Variants in DESI1 observed in about 807,000 individuals in gnomAD.
DESI1 encodes the protein desumoylating isopeptidase 1.
Under a neutral mutation model 22.4 loss-of-function variants are expected in DESI1, and 17 were observed. The ratio of observed to expected loss-of-function variants is 0.76; its 90% confidence interval spans 0.52 to 1.14. DESI1 has a LOEUF of 1.14. Among genes scored for constraint, DESI1 ranks in the 50% most tolerant of loss-of-function variants. The pLI is 0.00. For synonymous variants in DESI1, 92 were observed against 84.2 expected, an observed-to-expected ratio of 1.09 and a Z score of -0.51; for missense variants, 177 against 208.9, an observed-to-expected ratio of 0.85 and a Z score of 0.94.
intron 1 of DESI1, among the ~76,000 whole-genome samples, chr22:41,612,764 T>TG (rs1423470008): frequency 6.6e-6 from 1 of 151,172 alleles, no homozygotes; most frequent in African/African-American, 2.4e-5. Flanking sequence ...TACTTTTTTT[T>TG]TTTTTTTTTT....
rs1262057344 is a variant in DESI1 at position 41,600,448 on chromosome 22, C to G, written c.*649G>C. The G allele has an allele frequency of 1.3e-5, 2 of 152,342 alleles. No individual in the cohort carries two copies. Among genetic ancestry groups the G allele is most frequent in the Non-Finnish European group, 2.9e-5 (2 of 68,178 alleles). 9.4% of individuals were successfully genotyped at this position (152,342 alleles called of 1,614,324 possible). On this transcript the variant is annotated 3_prime_UTR_variant, in exon 6 of 6. Coordinates refer to ENST00000263256, the MANE Select transcript of DESI1 (RefSeq NM_015704.3). ...TGATGGCAGAAGATTGGCAATCCAT[C>G]TAGGTGGAAGGAGGAATGGCTTTAT...
At chr22:41,602,717 C>T (rs1202725063) in intron 5 of DESI1, 7 of 989,092 alleles carry the variant, frequency 7.1e-6, no homozygotes, top group Non-Finnish European at 8.4e-6. Context: ...TCTTCCAAGG[C>T]TTGGGGCACA....
chr22:41,612,064 A>G (rs132765), intron 1 of DESI1, among the ~76,000 whole-genome samples: 126,528 of 152,050 alleles, frequency 0.83, 53,633 homozygotes, highest in African/African-American at 0.95. Context: ...ACTACCTTCC[A>G]GGCACTATCC....
chr22:41,620,776 G>A lies in DESI1; in HGVS notation c.64C>T (p.Arg22Trp). The change falls in exon 1 of 6, where the codon CGG (arginine) becomes TGG (tryptophan). Residue 22 changes from arginine (R) to tryptophan (W), a missense_variant. Physicochemically the swap from Arg to Trp is moderately radical, Grantham distance 101. Coordinates refer to ENST00000263256, the MANE Select transcript of DESI1 (RefSeq NM_015704.3). ...CCCAGCATGATGGGGCTGAGCCGCC[G>A]GGCCAGGCCTTTGGACAGGTCGTAC... ...YVYDLSKGLARRLSPIMLGKQ... is the reference protein window; with the variant it reads ...YVYDLSKGLAWRLSPIMLGKQ... 1 of 1,612,082 alleles carries A rather than the reference G, an allele frequency of 6.2e-7. No individual in the cohort carries two copies. The highest frequency in any genetic ancestry group is 1.1e-5 in the South Asian group (1 of 90,750).
At chr22:41,615,658 G>C (rs1469478727) in intron 1 of DESI1, among the ~76,000 whole-genome samples, 1 of 152,188 alleles carries the variant, frequency 6.6e-6, no homozygotes. Flanking sequence ...TTAAGTTCAA[G>C]TCTCAATCAT....
chr22:41,602,907 C>T, intron 5 of DESI1: 1 of 733,804 alleles, frequency 1.4e-6, no homozygotes, highest in Non-Finnish European at 1.8e-6. Flanking sequence ...CCCCTCTCTG[C>T]TTGTCTAACA....
At chr22:41,614,069 C>T (rs1013967463) in intron 1 of DESI1, among the ~76,000 whole-genome samples, 1 of 151,846 alleles carries the variant, frequency 6.6e-6, no homozygotes, top group Admixed American at 6.6e-5. Context: ...CGGAGTCTCG[C>T]TCTGTTGTCC....
intron 5 of DESI1, among the ~76,000 whole-genome samples, chr22:41,601,692 C>A (rs2067450674): frequency 6.6e-6 from 1 of 152,164 alleles, no homozygotes; most frequent in Non-Finnish European, 1.5e-5. Flanking sequence ...GGAAAAATGA[C>A]AAATGCTAGG....
At chr22:41,601,466 G>A (rs2067449580) in intron 5 of DESI1, among the ~76,000 whole-genome samples, 1 of 152,178 alleles carries the variant, frequency 6.6e-6, no homozygotes, top group Middle Eastern at 3.2e-3. Flanking sequence ...GGTTAGCTGT[G>A]GTTTGAGTAG....
rs1418544902 is a variant in DESI1 at position 41,607,845 on chromosome 22, G to A, written c.105C>T (p.Gly35=). 3.1e-6 allele frequency: 5 copies of A among 1,614,226 alleles called. No homozygotes were observed. The highest frequency in any genetic ancestry group is 2.5e-6 in the Non-Finnish European group (3 of 1,180,042). ...AGGAGACCCACCCAACTTACCAGAT[G>A]CCTTCCAGTTGTTTCCCTGTGGAGA... The part of the protein sequence containing the change: ...SPIMLGKQLE[G]IWHTSIVVHK... Residue 35 remains glycine (G), a synonymous_variant, in exon 2 of 6, where the codon GGC becomes GGT. Coordinates refer to ENST00000263256, the MANE Select transcript of DESI1 (RefSeq NM_015704.3).
At chr22:41,609,629 T>C (rs1255440747) in intron 1 of DESI1, among the ~76,000 whole-genome samples, 2 of 145,280 alleles carry the variant, frequency 1.4e-5, no homozygotes, top group Non-Finnish European at 3.0e-5. Context: ...CAGTCTTTAC[T>C]AAAAATAAAA....
intron 5 of DESI1, chr22:41,602,704 G>C (rs2067456055): frequency 1.0e-6 from 1 of 988,422 alleles, no homozygotes; most frequent in African/African-American, 1.7e-5. Context: ...TGGCCTGCAA[G>C]GCTCTTCCAA....
Position 41,599,947 on chromosome 22 carries a change from G to A in DESI1, c.*1150C>T, listed in dbSNP as rs2067440511. The stretch of plus-strand genomic sequence containing the variant: ...TAATCCCAGCACTTTGGGAGGCCAA[G>A]GGAGGTGGATCACCCGAGGTCAGGA... On this transcript the variant is annotated 3_prime_UTR_variant, in exon 6 of 6. Transcript: ENST00000263256. 6.6e-6 allele frequency: 1 copy of A among 151,870 alleles called. No individual in the cohort carries two copies. The highest frequency in any genetic ancestry group is 2.4e-5 in the African/African-American group (1 of 41,440). 9.4% of individuals were successfully genotyped at this position (151,870 alleles called of 1,614,324 possible). A position where few individuals can be genotyped will look rare whatever the true frequency, so the allele number is the denominator to read the frequency against.
intron 1 of DESI1, among the ~76,000 whole-genome samples, chr22:41,608,636 T>C (rs1445077648): frequency 6.6e-6 from 1 of 152,114 alleles, no homozygotes. Context: ...GCCAACAGGA[T>C]GGCCAGCAAA....
chr22:41,618,761 T>A (rs1194716695), intron 1 of DESI1, among the ~76,000 whole-genome samples: 2 of 152,164 alleles, frequency 1.3e-5, no homozygotes, highest in Non-Finnish European at 2.9e-5. Context: ...CCAAGAAGTT[T>A]AGTTAAAACT....
At chr22:41,614,196 C>T (rs2067535761) in intron 1 of DESI1, among the ~76,000 whole-genome samples, 1 of 151,766 alleles carries the variant, frequency 6.6e-6, no homozygotes, top group South Asian at 2.1e-4. Flanking sequence ...GCCACCATGC[C>T]CGGCTAATTT....
At chr22:41,618,632 A>G (rs1346041955) in intron 1 of DESI1, among the ~76,000 whole-genome samples, 2 of 152,042 alleles carry the variant, frequency 1.3e-5, no homozygotes, top group African/African-American at 2.4e-5. Flanking sequence ...CAGCTGCCCA[A>G]TAATTATTAG....
chr22:41,605,845 C>T (rs1392042570), intron 3 of DESI1, among the ~76,000 whole-genome samples: 3 of 152,068 alleles, frequency 2.0e-5, no homozygotes, highest in South Asian at 2.1e-4. Flanking sequence ...GAGACCTTCC[C>T]GGTCTGAGGG....
At chr22:41,612,336 C>G (rs2067522496) in intron 1 of DESI1, among the ~76,000 whole-genome samples, 1 of 151,810 alleles carries the variant, frequency 6.6e-6, no homozygotes, top group African/African-American at 2.4e-5. Context: ...TGGTGAAACC[C>G]CATCTCTACT....
Sources: allele counts gnomAD v4.1 joint callset (sites outside exome capture counted in the v4.1 genomes callset), GRCh38; gene constraint gnomAD v4.1.1; transcripts MANE v1.5; gene names NCBI Gene and HGNC (gene_info 2026-07-23, HGNC 2026-07-21).